The following LSG1 variants were observed in gnomAD, a reference collection of about 807,000 sequenced individuals.
LSG1 encodes the protein large 60S subunit nuclear export GTPase 1.
LSG1 carries 55 observed loss-of-function variants against 82.6 expected under a neutral mutation model. The ratio of observed to expected loss-of-function variants is 0.67; its 90% CI spans 0.54 to 0.83. The LOEUF (loss-of-function observed/expected upper bound fraction) is 0.83, where lower values mean the gene tolerates loss of function less well. Among genes scored for constraint, LSG1 ranks in the 40% least tolerant of loss-of-function variants. The probability of loss-of-function intolerance (pLI) is 0.00; values close to 1 mark genes in which losing one functional copy is unlikely to be tolerated. For missense variants in LSG1, 809 were observed against 807.9 expected (o/e 1.00, Z -0.02); for synonymous variants, 272 against 282.5 (o/e 0.96, Z 0.37).
intron 8 of LSG1, 126 bp downstream of exon 8, chr3:194,652,603 G>T: frequency 9.9e-7 from 1 of 1,008,832 alleles, no homozygotes. Context: ...ATGCCAGTGG[G>T]CAACAAGAGG....
intron 6 of LSG1, among the ~76,000 whole-genome samples, chr3:194,659,371 G>C (rs1718875145): frequency 1.3e-5 from 2 of 152,156 alleles, no homozygotes; most frequent in African/African-American, 4.8e-5. Flanking sequence ...GGCCAGGCAT[G>C]GGGGCTCACG....
Position 194,670,084 on chromosome 3 carries a change from G to A in LSG1, c.151C>T (p.Gln51Ter). The change falls in exon 2 of 14, where the codon CAG becomes TAG. Residue 51 changes from glutamine to a stop codon, truncating the protein, a stop_gained. Transcript: ENST00000265245. LOFTEE classifies it high-confidence loss of function. ...AGGGAGCTCTGTTCAGTCACTGACT[G>A]AAGATTAAGACGACCCCAATCATAG... ...DGYDWGRLNL[Q>*]SVTEQSSLDD... 2 of 1,614,086 alleles carry A rather than the reference G, an allele frequency of 1.2e-6. No homozygotes were observed. Among genetic ancestry groups the A allele is most frequent in the South Asian group, 1.1e-5 (1 of 91,076 alleles).
At chr3:194,666,116 C>T (rs1719023741) in intron 4 of LSG1, 87 bp downstream of exon 4, 1 of 1,185,412 alleles carries the variant, frequency 8.4e-7, no homozygotes, top group South Asian at 1.3e-5. Flanking sequence ...AGAATCAAAA[C>T]TTCAAAACAC....
In LSG1 at chr3:194,640,919, A is replaced by G. The variant is rs1482138188; in HGVS notation, c.*1149T>C. 6.5e-6 allele frequency: 1 copy of G among 152,768 alleles called. No individual in the cohort carries two copies. The highest frequency in any genetic ancestry group is 1.5e-5 in the Non-Finnish European group (1 of 68,486). The allele number at this position is 152,768 out of a possible 1,614,324, so 9.5% of individuals were successfully genotyped here. A position where few individuals can be genotyped will look rare whatever the true frequency, so the allele number is the denominator to read the frequency against. On this transcript the variant is annotated 3_prime_UTR_variant, in exon 14 of 14. Coordinates refer to ENST00000265245, the MANE Select transcript of LSG1 (RefSeq NM_018385.3). ...TAGAAGGCGAAGGAGAAGCAGGCAC[A>G]TCTTATATGGCCAGAGCAGGAGGGA... is the stretch of plus-strand genomic sequence containing the variant.
chr3:194,651,279 A>G, intron 8 of LSG1, 63 bp from the exon 9 acceptor site: 2 of 1,088,894 alleles, frequency 1.8e-6, no homozygotes, highest in Non-Finnish European at 2.8e-6. Flanking sequence ...ACTCAAAGAT[A>G]TGACATAGAT....
At position 194,645,595 on chromosome 3, in the gene LSG1, C is replaced by G. The variant is rs1385539126; in HGVS notation, c.1623+569G>C. Among the ~76,000 whole-genome samples the G allele has an allele frequency of 1.0e-3, 115 of 114,840 alleles. 1 individual carries two copies. The highest frequency in any genetic ancestry group is 2.3e-3 in the African/African-American group (66 of 28,458). The allele number at this position is 114,840 out of a possible 152,430, so 75.3% of individuals were successfully genotyped here. A position where few individuals can be genotyped will look rare whatever the true frequency, so the allele number is the denominator to read the frequency against. On this transcript the variant is annotated intron_variant, in intron 12 of 13. Coordinates refer to ENST00000265245, the MANE Select transcript of LSG1 (RefSeq NM_018385.3). ...AGACAGACACACACACACACACACACACACACACACACACACACACACACA... is the reference window on the plus strand; with the variant it reads ...AGACAGACACACACACACACACACAGACACACACACACACACACACACACA...
In LSG1 at chr3:194,672,122, C is replaced by G; in HGVS notation, c.41G>C (p.Arg14Pro). 1 of 1,607,900 alleles carries G rather than the reference C, an allele frequency of 6.2e-7. No individual in the cohort carries two copies. The highest frequency in any genetic ancestry group is 8.5e-7 in the Non-Finnish European group (1 of 1,179,966). ...RRAPAGGSLG[R>P]ALMRHQTQRS... ...CTGAGTCTGATGGCGCATAAGGGCC[C>G]GTCCCAGCGACCCACCGGCCGGGGC... Residue 14 changes from arginine (R) to proline (P), a missense_variant, in exon 1 of 14, where the codon CGG becomes CCG. Arg to Pro is a moderately radical substitution (Grantham distance 103). Coordinates refer to ENST00000265245, the MANE Select transcript of LSG1 (RefSeq NM_018385.3).
At chr3:194,650,563 G>A (rs1396749734) in intron 10 of LSG1, among the ~76,000 whole-genome samples, 1 of 152,184 alleles carries the variant, frequency 6.6e-6, no homozygotes, top group East Asian at 1.9e-4. Flanking sequence ...CCCCCACTTA[G>A]AGAAAAGGAA....
intron 7 of LSG1, among the ~76,000 whole-genome samples, chr3:194,658,354 T>TACA (rs903070623): frequency 6.6e-6 from 1 of 152,116 alleles, no homozygotes; most frequent in African/African-American, 2.4e-5. Context: ...TCCATGTTGG[T>TACA]AGGGCTGGTC....
intron 7 of LSG1, 141 bp downstream of exon 7, chr3:194,658,816 G>A: frequency 1.2e-6 from 1 of 817,290 alleles, no homozygotes; most frequent in African/African-American, 1.7e-5. Flanking sequence ...CTTTCTATAG[G>A]TCATCCTAAT....
At chr3:194,660,801 A>G (rs1705969) in intron 5 of LSG1, 340,804 of 451,666 alleles carry the variant, frequency 0.75, 129,698 homozygotes, top group East Asian at 0.94. Context: ...CGTATAAGAA[A>G]GTACAGCAAT....
chr3:194,643,924 G>A (rs1361360325), intron 13 of LSG1, among the ~76,000 whole-genome samples: 1 of 152,112 alleles, frequency 6.6e-6, no homozygotes, highest in African/African-American at 2.4e-5. Context: ...AAGATACCAC[G>A]CTAAATGAAA....
At chr3:194,644,508 TACTC>T (rs1560218926) in intron 13 of LSG1, 61 bp downstream of exon 13, 1 of 1,270,984 alleles carries the variant, frequency 7.9e-7, no homozygotes, top group Non-Finnish European at 1.1e-6. Flanking sequence ...TGGCATGTGA[TACTC>T]AATAAAGCTG....
At chr3:194,659,809 G>A (rs1222141355) in intron 6 of LSG1, among the ~76,000 whole-genome samples, 7 of 152,172 alleles carry the variant, frequency 4.6e-5, no homozygotes, top group South Asian at 4.1e-4. Flanking sequence ...ATGGGAAACC[G>A]GCAAATGCCT....
chr3:194,657,183 TAAAA>T lies in LSG1; in HGVS notation c.759+1770_759+1773del, dbSNP rs56027721. Among the ~76,000 whole-genome samples the T allele has an allele frequency of 2.6e-3, 378 of 142,732 alleles. 4 individuals carry two copies. Among genetic ancestry groups the T allele is most frequent in the African/African-American group, 8.3e-3 (320 of 38,424 alleles). 93.6% of individuals were successfully genotyped at this position (142,732 alleles called of 152,430 possible). A position where few individuals can be genotyped will look rare whatever the true frequency, so the allele number is the denominator to read the frequency against. Reference sequence around the variant, plus strand: ...ATTAAAAAGAAAAAAAAGGCAACCTTAAAAAAAAAAAAAAACGCTTGGCATAGAG... The same window carrying T: ...ATTAAAAAGAAAAAAAAGGCAACCTTAAAAAAAAAAACGCTTGGCATAGAG... On this transcript the variant is annotated intron_variant, in intron 7 of 13. Coordinates refer to ENST00000265245, the MANE Select transcript of LSG1 (RefSeq NM_018385.3).
chr3:194,663,290 G>A (rs957731137), intron 5 of LSG1, among the ~76,000 whole-genome samples: 1 of 152,172 alleles, frequency 6.6e-6, no homozygotes, highest in African/African-American at 2.4e-5. Context: ...GAATGACTGT[G>A]GGCCTTCCGA....
chr3:194,644,013 T>C (rs2108614026), intron 13 of LSG1, among the ~76,000 whole-genome samples: 1 of 152,180 alleles, frequency 6.6e-6, no homozygotes, highest in Non-Finnish European at 1.5e-5. Flanking sequence ...TCATAAAGAT[T>C]GATTATTGGT....
intron 7 of LSG1, among the ~76,000 whole-genome samples, chr3:194,658,574 CAA>C (rs1314833004): frequency 6.6e-6 from 1 of 152,282 alleles, no homozygotes; most frequent in East Asian, 1.9e-4. Flanking sequence ...GTTTTCAAAA[CAA>C]AGTCAAAAGA....
chr3:194,652,331 T>C (rs1281460344), intron 8 of LSG1, among the ~76,000 whole-genome samples: 1 of 152,222 alleles, frequency 6.6e-6, no homozygotes, highest in Non-Finnish European at 1.5e-5. Context: ...GATGCTGGGA[T>C]TCTCCCTATT....
Sources: allele counts gnomAD v4.1 joint callset (sites outside exome capture counted in the v4.1 genomes callset), GRCh38; gene constraint gnomAD v4.1.1; transcripts MANE v1.5; gene names NCBI Gene and HGNC (gene_info 2026-07-23, HGNC 2026-07-21).